The following DOCK1 variants were observed in gnomAD, a reference collection of about 807,000 sequenced individuals.
DOCK1 encodes the protein dedicator of cytokinesis protein 1.
Under a neutral mutation model 262.7 loss-of-function variants are expected in DOCK1, and 138 were observed. The observed-to-expected ratio is 0.53, with a 90% CI of 0.46 to 0.61. The LOEUF is 0.61. DOCK1 is among the 20% of genes least tolerant of loss of function. The pLI, the probability that DOCK1 is intolerant of heterozygous loss-of-function variation, is 0.00. For missense variants in DOCK1, 1,908 were observed against 2,370.7 expected (o/e 0.80, Z 4.05); for synonymous variants, 866 against 867.4 (o/e 1.00, Z 0.03).
chr10:126,911,925 G>A (rs1402582735), intron 1 of DOCK1, among the ~76,000 whole-genome samples: 1 of 152,178 alleles, frequency 6.6e-6, no homozygotes, highest in Admixed American at 6.5e-5. Context: ...TGTGTTAGTT[G>A]ACTGGAGCTA....
chr10:127,280,735 C>T (rs1457144766), intron 29 of DOCK1, among the ~76,000 whole-genome samples: 1 of 152,168 alleles, frequency 6.6e-6, no homozygotes. Flanking sequence ...TCACTGTGTT[C>T]TGAGAGGTTT....
At chr10:127,321,951 A>G (rs538938728) in intron 29 of DOCK1, among the ~76,000 whole-genome samples, 1 of 151,790 alleles carries the variant, frequency 6.6e-6, no homozygotes, top group African/African-American at 2.4e-5. Flanking sequence ...AAAAATACAA[A>G]AATCAGCCAG....
intron 27 of DOCK1, among the ~76,000 whole-genome samples, chr10:127,200,977 T>C (rs1363869609): frequency 1.3e-5 from 2 of 152,172 alleles, no homozygotes; most frequent in Admixed American, 6.5e-5. Flanking sequence ...CCAACCTAAG[T>C]CTGTGATGGG....
chr10:126,996,064 ATG>A (rs376367585), intron 6 of DOCK1, among the ~76,000 whole-genome samples: 2 of 151,484 alleles, frequency 1.3e-5, no homozygotes, highest in African/African-American at 4.8e-5. Flanking sequence ...ATATATGTGA[ATG>A]TGTGTGTGTG....
intron 7 of DOCK1, among the ~76,000 whole-genome samples, chr10:126,997,667 G>A (rs926778433): frequency 2.0e-5 from 3 of 152,138 alleles, no homozygotes; most frequent in Admixed American, 6.5e-5. Context: ...TAGATACTCA[G>A]AAATTGACTA....
chr10:127,148,943 C>G (rs1225888087), intron 27 of DOCK1, among the ~76,000 whole-genome samples: 1 of 152,264 alleles, frequency 6.6e-6, no homozygotes, highest in Admixed American at 6.5e-5. Context: ...TGTCAACCAT[C>G]TCAAAATTTG....
chr10:127,308,277 G>A (rs1300364644), intron 29 of DOCK1, among the ~76,000 whole-genome samples: 2 of 152,194 alleles, frequency 1.3e-5, no homozygotes, highest in Non-Finnish European at 2.9e-5. Flanking sequence ...TCAGTGTGGG[G>A]CCTGGCCTCC....
intron 27 of DOCK1, chr10:127,137,942 C>G (rs369230046): frequency 6.2e-7 from 1 of 1,613,996 alleles, no homozygotes; most frequent in African/African-American, 1.3e-5. Context: ...AAGGTATGAC[C>G]TGAGTTTCCT....
At chr10:127,336,773 T>C (rs578077302) in intron 29 of DOCK1, among the ~76,000 whole-genome samples, 5,040 of 152,234 alleles carry the variant, frequency 0.033, 120 homozygotes, top group Middle Eastern at 0.072. Context: ...TCTCCTGACC[T>C]CGTGATTCAC....
At chr10:127,070,993 G>A (rs186306979) in intron 23 of DOCK1, among the ~76,000 whole-genome samples, 1 of 152,080 alleles carries the variant, frequency 6.6e-6, no homozygotes, top group Non-Finnish European at 1.5e-5. Flanking sequence ...GCCCTCAGCT[G>A]TCTGACGTTC....
intron 29 of DOCK1, among the ~76,000 whole-genome samples, chr10:127,313,585 AG>A (rs1294557089): frequency 6.6e-6 from 1 of 152,124 alleles, no homozygotes; most frequent in Non-Finnish European, 1.5e-5. Flanking sequence ...CGTACCCTTC[AG>A]GGGGCTTACT....
chr10:127,089,879 C>CT (rs1379500246), intron 23 of DOCK1, among the ~76,000 whole-genome samples: 3 of 152,212 alleles, frequency 2.0e-5, no homozygotes, highest in Non-Finnish European at 2.9e-5. Flanking sequence ...TTTTCTTTCT[C>CT]TTTTTTGGTG....
At chr10:127,031,990 G>A in intron 17 of DOCK1, 147 bp from the exon 18 acceptor site, 1 of 1,084,464 alleles carries the variant, frequency 9.2e-7, no homozygotes, top group South Asian at 1.4e-5. Flanking sequence ...TTATGCTGCA[G>A]TAATAAGGGA....
intron 27 of DOCK1, among the ~76,000 whole-genome samples, chr10:127,174,250 C>T (rs1198974583): frequency 1.3e-5 from 2 of 152,156 alleles, no homozygotes; most frequent in Non-Finnish European, 2.9e-5. Context: ...GCGCTGCCTC[C>T]GATGTTACCT....
chr10:127,104,049 T>C (rs921198201), intron 23 of DOCK1, among the ~76,000 whole-genome samples: 1 of 152,226 alleles, frequency 6.6e-6, no homozygotes, highest in Admixed American at 6.5e-5. Context: ...TTCAAGTACT[T>C]ATTTGCCATC....
chr10:127,109,832 ATTG>A (rs2048758827), intron 24 of DOCK1, among the ~76,000 whole-genome samples: 1 of 151,640 alleles, frequency 6.6e-6, no homozygotes, highest in African/African-American at 2.4e-5. Flanking sequence ...TCATGGACAA[ATTG>A]TTGTGTGGAT....
At chr10:127,027,748 A>C (rs4615933) in intron 16 of DOCK1, among the ~76,000 whole-genome samples, 1 of 151,440 alleles carries the variant, frequency 6.6e-6, no homozygotes, top group Admixed American at 6.6e-5. Context: ...TCACCTGACT[A>C]TTTCTGGGGC....
intron 29 of DOCK1, among the ~76,000 whole-genome samples, chr10:127,328,598 G>T (rs1365342453): frequency 1.3e-5 from 2 of 151,952 alleles, no homozygotes; most frequent in African/African-American, 4.8e-5. Flanking sequence ...CGGCAGGGAC[G>T]CCAGGGACGG....
At chr10:126,953,444 G>GGTGGAGGTGGTGATGGCA (rs1272170946) in intron 1 of DOCK1, among the ~76,000 whole-genome samples, 3 of 151,764 alleles carry the variant, frequency 2.0e-5, no homozygotes, top group Admixed American at 2.0e-4. Flanking sequence ...TGGTGATGGC[G>GGTGGAGGTGGTGATGGCA]GTGGAGGTGG....
Sources: allele counts gnomAD v4.1 joint callset (sites outside exome capture counted in the v4.1 genomes callset), GRCh38; gene constraint gnomAD v4.1.1; transcripts MANE v1.5; gene names NCBI Gene and HGNC (gene_info 2026-07-23, HGNC 2026-07-21).